ELP1: variants seen among roughly 807,000 people sequenced by gnomAD.
ELP1 encodes the protein elongator complex protein 1.
In ELP1, 131 loss-of-function variants were observed where a neutral mutation model predicts 183.2. The ratio of observed to expected loss-of-function variants is 0.72; its 90% CI spans 0.62 to 0.83. The LOEUF (loss-of-function observed/expected upper bound fraction) is 0.83. ELP1 is among the 40% of genes least tolerant of loss of function. The pLI is 0.00. For synonymous variants in ELP1, 555 were observed against 569.0 expected, an observed-to-expected ratio of 0.98 and a Z score of 0.35; for missense variants, 1,550 against 1,594.9, an observed-to-expected ratio of 0.97 and a Z score of 0.48.
At chr9:108,874,584 A>T (rs1286401015) in intron 36 of ELP1, among the ~76,000 whole-genome samples, 2 of 152,228 alleles carry the variant, frequency 1.3e-5, no homozygotes, top group Non-Finnish European at 2.9e-5. Context: ...TGTATATGTA[A>T]ATGTAGACAG....
intron 10 of ELP1, among the ~76,000 whole-genome samples, chr9:108,913,124 G>A (rs1006357487): frequency 6.6e-6 from 1 of 152,096 alleles, no homozygotes; most frequent in African/African-American, 2.4e-5. Context: ...CCAGGAAAAA[G>A]CATTCTTTTA....
intron 29 of ELP1, among the ~76,000 whole-genome samples, chr9:108,886,797 CT>C (rs1828139563): frequency 1.3e-5 from 2 of 151,596 alleles, no homozygotes; most frequent in South Asian, 4.2e-4. Flanking sequence ...AAGATGTAAA[CT>C]AATGAGCATG....
rs377728941 is a variant in ELP1 at position 108,897,262 on chromosome 9, A to G, written c.2387T>C (p.Met796Thr). 5.0e-6 allele frequency: 8 copies of G among 1,614,040 alleles called. No homozygotes were observed. Among genetic ancestry groups the G allele is most frequent in the African/African-American group, 2.7e-5 (2 of 74,924 alleles). ...ELKEEDVTKT[M>T]YPAPVTSSVY... ...ACTGCTGGTAACTGGTGCAGGGTAC[A>G]TGGTCTTCGTGACATCTTCTTCTCT... The change falls in exon 23 of 37, where the codon ATG (methionine) becomes ACG (threonine). Residue 796 changes from methionine to threonine, a missense_variant. Transcript: ENST00000374647.
In ELP1 at chr9:108,902,838, C is replaced by T. The variant is rs1554696934; in HGVS notation, c.1854+1G>A. The T allele has an allele frequency of 5.0e-6, 8 of 1,608,960 alleles. No homozygotes were observed. The highest frequency in any genetic ancestry group is 6.8e-6 in the Non-Finnish European group (8 of 1,175,378). On this transcript the variant is annotated splice_donor_variant, in intron 16 of 36. Transcript: ENST00000374647. LOFTEE classifies it high-confidence loss of function. The stretch of plus-strand genomic sequence containing the variant: ...AAATTTCCTGCTCCGTGTTCACCTA[C>T]CTCTTCTCCAATCATGGCCAATTCG...
intron 29 of ELP1, 107 bp downstream of exon 29, chr9:108,889,225 G>A: frequency 9.5e-7 from 1 of 1,053,556 alleles, no homozygotes; most frequent in South Asian, 1.3e-5. Context: ...ACTATCTCTG[G>A]ACTTAACAAT....
At chr9:108,898,820 C>T in intron 20 of ELP1, 71 bp from the exon 21 acceptor site, 1 of 987,496 alleles carries the variant, frequency 1.0e-6, no homozygotes, top group Non-Finnish European at 1.6e-6. Context: ...AGCATATTTT[C>T]ATTATGATAC....
intron 3 of ELP1, among the ~76,000 whole-genome samples, chr9:108,927,698 C>T (rs921742700): frequency 7.2e-5 from 11 of 152,054 alleles, no homozygotes; most frequent in African/African-American, 2.7e-4. Context: ...GAGTACTATT[C>T]AGCCATAAAA....
chr9:108,930,449 C>G (rs1461821900), intron 2 of ELP1, among the ~76,000 whole-genome samples: 1 of 152,000 alleles, frequency 6.6e-6, no homozygotes, highest in Admixed American at 6.6e-5. Flanking sequence ...CACTCTTGGC[C>G]GGGCGCTGAG....
chr9:108,923,976 C>A (rs1379488267), intron 5 of ELP1, among the ~76,000 whole-genome samples: 5 of 152,294 alleles, frequency 3.3e-5, no homozygotes, highest in African/African-American at 1.2e-4. Context: ...TCCATATGAC[C>A]ATTTCCTGTC....
intron 2 of ELP1, 55 bp from the exon 3 acceptor site, chr9:108,929,976 G>A: frequency 6.4e-7 from 1 of 1,569,782 alleles, no homozygotes. Context: ...AAGAATAATT[G>A]ATAACATTTC....
At chr9:108,924,636 A>T (rs1829769514) in intron 5 of ELP1, among the ~76,000 whole-genome samples, 1 of 152,172 alleles carries the variant, frequency 6.6e-6, no homozygotes, top group African/African-American at 2.4e-5. Context: ...GCTCCCTGAG[A>T]CAGTCCATCT....
rs751132422 is a variant in ELP1 at position 108,898,680 on chromosome 9, A to G, written c.2274T>C (p.His758=). 6.2e-7 allele frequency: 1 copy of G among 1,612,346 alleles called. No homozygotes were observed. The highest frequency in any genetic ancestry group is 2.2e-5 in the East Asian group (1 of 44,836). Residue 758 remains histidine, a synonymous_variant, in exon 21 of 37, where the codon CAT becomes CAC. Transcript: ENST00000374647. The part of the protein sequence containing the change: ...LRINLNLIYD[H]NPKVFLGNVE... Reference sequence around the variant, plus strand: ...CAGCTTAGAAAGTTACCTTAGGGTTATGATCATAAATCAGATTGAGATTGA... The same window carrying G: ...CAGCTTAGAAAGTTACCTTAGGGTTGTGATCATAAATCAGATTGAGATTGA...
chr9:108,933,656 C>T (rs1830074659), intron 1 of ELP1, among the ~76,000 whole-genome samples: 1 of 152,260 alleles, frequency 6.6e-6, no homozygotes, highest in Non-Finnish European at 1.5e-5. Flanking sequence ...GGGCAGCAGG[C>T]ATCCCTGGGC....
chr9:108,885,231 T>C (rs1828082505), intron 29 of ELP1, among the ~76,000 whole-genome samples: 2 of 150,858 alleles, frequency 1.3e-5, no homozygotes, highest in African/African-American at 2.4e-5. Context: ...AGAAAAACAA[T>C]GAAACAGTTC....
intron 16 of ELP1, among the ~76,000 whole-genome samples, chr9:108,902,554 C>T (rs1828850724): frequency 6.6e-6 from 1 of 152,168 alleles, no homozygotes; most frequent in Admixed American, 6.5e-5. Flanking sequence ...TCTGTTTCCC[C>T]TCCTAAATAA....
intron 28 of ELP1, among the ~76,000 whole-genome samples, chr9:108,890,737 T>A (rs929919735): frequency 1.3e-5 from 2 of 152,216 alleles, no homozygotes; most frequent in African/African-American, 2.4e-5. Context: ...AATGGACCCA[T>A]CCAAAAATTC....
chr9:108,928,055 G>C (rs914214295), intron 3 of ELP1, among the ~76,000 whole-genome samples: 12 of 152,188 alleles, frequency 7.9e-5, no homozygotes, highest in African/African-American at 2.9e-4. Context: ...GTAACACAAA[G>C]GATAAACGCT....
At chr9:108,928,178 T>A (rs1290567724) in intron 3 of ELP1, among the ~76,000 whole-genome samples, 1 of 152,144 alleles carries the variant, frequency 6.6e-6, no homozygotes, top group African/African-American at 2.4e-5. Flanking sequence ...CTCATAAAAA[T>A]TAAAAATTTA....
intron 36 of ELP1, among the ~76,000 whole-genome samples, chr9:108,870,855 G>A (rs1015323317): frequency 1.3e-5 from 2 of 151,944 alleles, no homozygotes; most frequent in African/African-American, 4.8e-5. Context: ...ATTGTCTGGC[G>A]CTGGTTTGGA....
Sources: gnomAD v4.1 joint callset for allele counts (sites outside exome capture counted in the v4.1 genomes callset) on GRCh38, gnomAD v4.1.1 for gene constraint, MANE v1.5 for transcripts, NCBI Gene and HGNC (gene_info 2026-07-23, HGNC 2026-07-21) for gene names.